Variants in ZFAT observed in about 807,000 individuals in gnomAD.
The protein encoded by ZFAT is zinc finger protein ZFAT.
Under a neutral mutation model 117.7 loss-of-function variants are expected in ZFAT, and 64 were observed. The observed-to-expected ratio is 0.54, with a 90% confidence interval of 0.44 to 0.67. The LOEUF (loss-of-function observed/expected upper bound fraction) is 0.67, where lower values mean the gene tolerates loss of function less well. Among genes scored for constraint, ZFAT ranks in the 30% least tolerant of loss-of-function variants. The pLI is 0.00. For synonymous variants in ZFAT, 679 were observed against 615.0 expected, an observed-to-expected ratio of 1.10 and a Z score of -1.54; for missense variants, 1,433 against 1,584.5, an observed-to-expected ratio of 0.90 and a Z score of 1.62.
At chr8:134,750,039 T>C in the ZFAT span, among the ~76,000 whole-genome samples, 5 of 152,324 alleles carry the variant, frequency 3.3e-5, no homozygotes, top group South Asian at 2.1e-4. Context: ...GGAATTTTGA[T>C]TGGGGTTGTG....
At chr8:134,654,350 TG>T (rs1192252264) in intron 2 of ZFAT, among the ~76,000 whole-genome samples, 2 of 151,952 alleles carry the variant, frequency 1.3e-5, no homozygotes, top group African/African-American at 4.8e-5. Context: ...AAAGTAAAAG[TG>T]TAATTGCTTT....
chr8:134,788,821 C>T, the ZFAT span, among the ~76,000 whole-genome samples: 7 of 152,052 alleles, frequency 4.6e-5, no homozygotes, highest in African/African-American at 1.7e-4. Flanking sequence ...TATAAAATGT[C>T]CCTCTTTATC....
intron 1 of ZFAT, among the ~76,000 whole-genome samples, chr8:134,696,872 G>T (rs1280286639): frequency 6.6e-6 from 1 of 152,166 alleles, no homozygotes; most frequent in Non-Finnish European, 1.5e-5. Context: ...TCTCTCTCAG[G>T]CATATTAAAG....
chr8:134,689,833 G>A (rs529638007), intron 1 of ZFAT, among the ~76,000 whole-genome samples: 4 of 152,338 alleles, frequency 2.6e-5, no homozygotes, highest in East Asian at 3.9e-4. Context: ...GTGAAAGCAC[G>A]GGGCAAGAGG....
intron 1 of ZFAT, among the ~76,000 whole-genome samples, chr8:134,668,349 C>A (rs1832357202): frequency 6.6e-6 from 1 of 152,216 alleles, no homozygotes; most frequent in African/African-American, 2.4e-5. Context: ...TGGGAGGCAC[C>A]CCCAAGTAGG....
At chr8:134,635,858 C>T (rs1586860830) in intron 3 of ZFAT, among the ~76,000 whole-genome samples, 1 of 152,152 alleles carries the variant, frequency 6.6e-6, no homozygotes, top group Admixed American at 6.5e-5. Context: ...TTCTGAAACA[C>T]GATGCAGATT....
chr8:134,805,079 A>G, the ZFAT span: 1 of 292,308 alleles, frequency 3.4e-6, no homozygotes, highest in Non-Finnish European at 7.2e-6. Context: ...TGATAAAGTT[A>G]ATGCTAATAA....
chr8:134,541,604 CGAGGAAAG>C (rs1402428208), intron 11 of ZFAT, among the ~76,000 whole-genome samples: 1 of 149,290 alleles, frequency 6.7e-6, no homozygotes, highest in Non-Finnish European at 1.5e-5. Flanking sequence ...AGTAAAGAGA[CGAGGAAAG>C]GAGGAAAGGA....
the ZFAT span, among the ~76,000 whole-genome samples, chr8:134,777,931 C>T: frequency 1.3e-5 from 2 of 152,038 alleles, no homozygotes; most frequent in African/African-American, 2.4e-5. Context: ...CTGACCATCT[C>T]GTATCACTCA....
chr8:134,695,162 T>C, intron 1 of ZFAT, among the ~76,000 whole-genome samples: 1 of 151,924 alleles, frequency 6.6e-6, no homozygotes, highest in Admixed American at 6.5e-5. Context: ...AGGAGCTCAC[T>C]CCAGACCCAG....
the ZFAT span, among the ~76,000 whole-genome samples, chr8:134,817,865 A>C: frequency 6.6e-5 from 10 of 152,314 alleles, 1 homozygote; most frequent in South Asian, 2.1e-3. Context: ...CCAAAATAGA[A>C]CTACTACATA....
the ZFAT span, among the ~76,000 whole-genome samples, chr8:134,743,173 T>C: frequency 6.6e-6 from 1 of 152,226 alleles, no homozygotes. Flanking sequence ...TTTGGGTTAA[T>C]TGTGGCAAAG....
Position 134,637,607 on chromosome 8 carries a change from C to G in ZFAT, c.302G>C (p.Ser101Thr). ...AENIVSPTED[S>T]PLAPEEGNSL... ...GTTCCCTTCCTCCGGAGCCAGCGGG[C>G]TGTCCTCAGTCGGACTCACGATGTT... Residue 101 changes from serine (S) to threonine (T), a missense_variant, in exon 3 of 16, where the codon AGC (serine) becomes ACC (threonine). Around this residue, in one of 5 missense-constraint regions of ZFAT, gnomAD observed 436 missense variants for 482.0 expected, o/e 0.90. Coordinates refer to ENST00000377838, the MANE Select transcript of ZFAT (RefSeq NM_020863.4). The G allele has an allele frequency of 6.2e-7, 1 of 1,614,244 alleles. No individual in the cohort carries two copies. Among genetic ancestry groups the G allele is most frequent in the Non-Finnish European group, 8.5e-7 (1 of 1,180,056 alleles).
Position 134,601,560 on chromosome 8 carries a change from T to C in ZFAT, c.2159A>G (p.Asn720Ser). 6.2e-7 allele frequency: 1 copy of C among 1,614,234 alleles called. No homozygotes were observed. The highest frequency in any genetic ancestry group is 8.5e-7 in the Non-Finnish European group (1 of 1,180,048). Residue 720 changes from asparagine (N) to serine (S), a missense_variant, in exon 6 of 16, where the codon AAC becomes AGC. This residue lies in a region of ZFAT where 372 missense variants were observed against 355.6 expected (regional missense o/e 1.05). Transcript: ENST00000377838. Reference sequence around the variant, plus strand: ...GTTCATTTGCTTCTTCTGTAAACTGTTCAGGACCTTCATGAAAGCGGTGAT... The same window carrying C: ...GTTCATTTGCTTCTTCTGTAAACTGCTCAGGACCTTCATGAAAGCGGTGAT... The part of the protein sequence containing the change: ...SGITAFMKVL[N>S]SLQKKQMNTS...
chr8:134,811,682 C>T, the ZFAT span, among the ~76,000 whole-genome samples: 3 of 152,254 alleles, frequency 2.0e-5, no homozygotes, highest in South Asian at 6.2e-4. Flanking sequence ...CCCTAGAGCA[C>T]CCATTCTTTT....
In ZFAT at chr8:134,512,587, A is replaced by G. The variant is rs1293753525; in HGVS notation, c.3249T>C (p.Ala1083=). The change falls in exon 14 of 16, where the codon GCT becomes GCC. Residue 1083 remains alanine (A), a synonymous_variant. Transcript: ENST00000377838. ...GATACTGGGTGGAGGGCTCCTCAGG[A>G]GCTTCTGTTGCTGTCTAAATAAAAA... ...GDPKWETATE[A]PEEPSTQYLH... The G allele has an allele frequency of 6.2e-7, 1 of 1,613,550 alleles. No individual in the cohort carries two copies. Among genetic ancestry groups the G allele is most frequent in the Admixed American group, 1.7e-5 (1 of 59,914 alleles).
the ZFAT span, among the ~76,000 whole-genome samples, chr8:134,746,266 G>A: frequency 6.6e-6 from 1 of 152,148 alleles, no homozygotes; most frequent in Admixed American, 6.6e-5. Context: ...TTCCTCACAT[G>A]ACTTGATTTC....
intron 7 of ZFAT, chr8:134,597,906 T>C (rs886664578): frequency 2.0e-5 from 3 of 152,230 alleles, no homozygotes; most frequent in Non-Finnish European, 2.9e-5. Context: ...ACCCCCTTAT[T>C]CAGCACACTG....
the ZFAT span, among the ~76,000 whole-genome samples, chr8:134,753,590 G>A: frequency 1.3e-5 from 2 of 152,148 alleles, no homozygotes; most frequent in Non-Finnish European, 1.5e-5. Context: ...GATAAAAACT[G>A]GAAGTAACTC....
Sources: allele counts gnomAD v4.1 joint callset (sites outside exome capture counted in the v4.1 genomes callset), GRCh38; gene constraint gnomAD v4.1.1; regional missense constraint gnomAD v4.1.1; transcripts MANE v1.5; gene names NCBI Gene and HGNC (gene_info 2026-07-23, HGNC 2026-07-21).